Variants in PTPN11 observed in about 807,000 individuals in gnomAD.
PTPN11 encodes the protein protein tyrosine phosphatase non-receptor type 11.
In PTPN11, 6 loss-of-function variants were observed where a neutral mutation model predicts 78.8. The observed-to-expected ratio is 0.08, with a 90% CI of 0.04 to 0.15. The LOEUF is 0.15. PTPN11 is among the 10% of genes least tolerant of loss of function. The pLI, the probability that PTPN11 is intolerant of heterozygous loss-of-function variation, is 1.00. For synonymous variants in PTPN11, 221 were observed against 263.5 expected (o/e 0.84, Z 1.56); for missense variants, 386 against 744.8 (o/e 0.52, Z 5.61).
At chr12:112,456,123 A>C in intron 6 of PTPN11, 60 bp downstream of exon 6, 1 of 1,124,312 alleles carries the variant, frequency 8.9e-7, no homozygotes, top group Non-Finnish European at 1.3e-6. Context: ...AGTGGAGGAG[A>C]AGTTGCTCTT....
chr12:112,456,479 G>A (rs548486062), intron 6 of PTPN11, among the ~76,000 whole-genome samples: 3 of 137,696 alleles, frequency 2.2e-5, no homozygotes, highest in Admixed American at 7.5e-5. Flanking sequence ...TTTTTTTTGA[G>A]ACAGGGTCTC....
chr12:112,443,899 C>A (rs1159464353), intron 1 of PTPN11, among the ~76,000 whole-genome samples: 1 of 152,058 alleles, frequency 6.6e-6, no homozygotes, highest in African/African-American at 2.4e-5. Flanking sequence ...AGTGATCCAC[C>A]TGCCTTGGCC....
intron 9 of PTPN11, among the ~76,000 whole-genome samples, chr12:112,480,887 A>C (rs897842208): frequency 2.6e-5 from 4 of 152,190 alleles, no homozygotes; most frequent in African/African-American, 9.6e-5. Context: ...AAACAACAGA[A>C]CACAAAAGCA....
chr12:112,473,898 C>G (rs954754395), intron 7 of PTPN11, among the ~76,000 whole-genome samples: 3 of 151,952 alleles, frequency 2.0e-5, no homozygotes. Context: ...AAAGCTGTAC[C>G]TTTCAATTTT....
At chr12:112,497,715 G>A (rs1336702629) in intron 13 of PTPN11, among the ~76,000 whole-genome samples, 1 of 152,228 alleles carries the variant, frequency 6.6e-6, no homozygotes, top group African/African-American at 2.4e-5. Flanking sequence ...AGTGTGATGG[G>A]GAGATTGGAA....
intron 1 of PTPN11, chr12:112,428,689 G>A (rs1415570031): frequency 2.6e-5 from 4 of 151,334 alleles, no homozygotes; most frequent in African/African-American, 7.3e-5. Flanking sequence ...TAAAATCTAC[G>A]AAAGCTCAAG....
At chr12:112,488,077 C>T (rs967465793) in intron 11 of PTPN11, among the ~76,000 whole-genome samples, 2 of 152,168 alleles carry the variant, frequency 1.3e-5, no homozygotes, top group Non-Finnish European at 2.9e-5. Flanking sequence ...AGCCACTGCG[C>T]CCGGCCCTCT....
intron 1 of PTPN11, among the ~76,000 whole-genome samples, chr12:112,443,993 ATT>A (rs936805314): frequency 6.6e-6 from 1 of 150,644 alleles, no homozygotes; most frequent in African/African-American, 2.4e-5. Context: ...GTTTCACTAT[ATT>A]GCCCAGGCTG....
intron 1 of PTPN11, among the ~76,000 whole-genome samples, chr12:112,440,287 T>G (rs2037865427): frequency 6.6e-6 from 1 of 152,202 alleles, no homozygotes; most frequent in Non-Finnish European, 1.5e-5. Flanking sequence ...TTTTCCTTTT[T>G]TTTTGAGACG....
intron 1 of PTPN11, among the ~76,000 whole-genome samples, chr12:112,422,638 C>T (rs2037540714): frequency 1.3e-5 from 2 of 152,156 alleles, no homozygotes. Flanking sequence ...TGTTTATCTC[C>T]TGCGGGAGTA....
At chr12:112,467,776 T>C (rs1457628726) in intron 6 of PTPN11, among the ~76,000 whole-genome samples, 2 of 152,282 alleles carry the variant, frequency 1.3e-5, no homozygotes, top group East Asian at 3.9e-4. Flanking sequence ...ATTACAGGCA[T>C]GAGCCACTGC....
At position 112,508,576 on chromosome 12, in the gene PTPN11, A is replaced by C. The variant is rs1375289563; in HGVS notation, c.*2784A>C. On this transcript the variant is annotated 3_prime_UTR_variant, in exon 16 of 16. Transcript: ENST00000351677. ...CTTCTAGGTTGCTGGTGGGTATTAA[A>C]TATGCACAATATTCCATAGCTCACT... The C allele has an allele frequency of 6.6e-6, 1 of 152,246 alleles. No individual in the cohort carries two copies. The highest frequency in any genetic ancestry group is 2.4e-5 in the African/African-American group (1 of 41,462). The allele number at this position is 152,246 out of a possible 1,614,324, so 9.4% of individuals were successfully genotyped here.
In PTPN11 at chr12:112,442,826, CTT is replaced by C. The variant is rs1491238623; in HGVS notation, c.15-3446_15-3445del. On this transcript the variant is annotated intron_variant, in intron 1 of 15. Coordinates refer to ENST00000351677, the MANE Select transcript of PTPN11 (RefSeq NM_002834.5). ...TACTCTCTCTCCTCTCTCTCTCTCT[CTT>C]TTTATATATATATATATATATATAT... Among the ~76,000 whole-genome samples the C allele has an allele frequency of 3.6e-4, 23 of 63,796 alleles. 1 individual carries two copies. Among genetic ancestry groups the C allele is most frequent in the African/African-American group, 1.4e-3 (22 of 16,188 alleles). The allele number at this position is 63,796 out of a possible 152,430, so 41.9% of individuals were successfully genotyped here.
chr12:112,435,873 G>A (rs182948818), intron 1 of PTPN11, among the ~76,000 whole-genome samples: 78 of 152,096 alleles, frequency 5.1e-4, no homozygotes, highest in African/African-American at 1.8e-3. Flanking sequence ...AATAATGGCT[G>A]AGCCAGATGG....
chr12:112,484,531 C>T (rs2038644709), intron 10 of PTPN11, among the ~76,000 whole-genome samples: 1 of 152,060 alleles, frequency 6.6e-6, no homozygotes, highest in Admixed American at 6.6e-5. Flanking sequence ...AGAGGGAGGG[C>T]TCAGTGGTCT....
At chr12:112,440,376 C>A (rs2135847653) in intron 1 of PTPN11, among the ~76,000 whole-genome samples, 1 of 151,098 alleles carries the variant, frequency 6.6e-6, no homozygotes, top group African/African-American at 2.4e-5. Context: ...TGGGTTCATG[C>A]CATTTTCCTG....
intron 14 of PTPN11, among the ~76,000 whole-genome samples, chr12:112,502,686 G>A (rs1318363573): frequency 2.0e-5 from 3 of 152,286 alleles, no homozygotes; most frequent in Middle Eastern, 3.4e-3. Context: ...AACGGATGTT[G>A]CAGTGAGCCG....
intron 6 of PTPN11, among the ~76,000 whole-genome samples, chr12:112,462,732 G>A (rs2038266983): frequency 6.6e-6 from 1 of 151,964 alleles, no homozygotes; most frequent in Non-Finnish European, 1.5e-5. Flanking sequence ...GGACATCCTG[G>A]ATATCCATAA....
intron 11 of PTPN11, 126 bp from the exon 12 acceptor site, chr12:112,488,317 A>G (rs1427551764): frequency 1.8e-5 from 17 of 929,166 alleles, no homozygotes; most frequent in Non-Finnish European, 3.0e-5. Context: ...TCAAACATAA[A>G]TAGACAATTT....
Sources: allele counts gnomAD v4.1 joint callset (sites outside exome capture counted in the v4.1 genomes callset), GRCh38; gene constraint gnomAD v4.1.1; transcripts MANE v1.5; gene names NCBI Gene and HGNC (gene_info 2026-07-23, HGNC 2026-07-21).